Variants in PCDH15 observed in about 807,000 individuals in gnomAD.
PCDH15 encodes protocadherin-15.
In PCDH15, 129 loss-of-function variants were observed where a neutral mutation model predicts 178.5. That is an observed-to-expected ratio of 0.72 (90% CI 0.63 to 0.84). The LOEUF is 0.84. PCDH15 is among the 40% of genes least tolerant of loss of function. The probability of loss-of-function intolerance (pLI) is 0.00; values close to 1 mark genes in which losing one functional copy is unlikely to be tolerated. For missense variants in PCDH15, 2,230 were observed against 2,099.9 expected, an observed-to-expected ratio of 1.06 and a Z score of -1.21; for synonymous variants, 800 against 732.0, an observed-to-expected ratio of 1.09 and a Z score of -1.50.
chr10:55,334,314 A>ATTTTT (rs11419000), intron 2 of PCDH15, among the ~76,000 whole-genome samples: 1 of 119,598 alleles, frequency 8.4e-6, no homozygotes, highest in Non-Finnish European at 1.6e-5. Flanking sequence ...ATATATATAT[A>ATTTTT]TTTTTTTTTT....
intron 1 of PCDH15, among the ~76,000 whole-genome samples, chr10:55,297,602 C>T (rs1248293874): frequency 3.3e-5 from 5 of 151,938 alleles, no homozygotes; most frequent in Non-Finnish European, 5.9e-5. Flanking sequence ...TATCTTCATT[C>T]TCTCAAGACT....
rs540555737 is a variant in PCDH15 at position 55,091,670 on chromosome 10, A to G, written c.-80+74906T>C. Among the ~76,000 whole-genome samples, 3 of 152,036 alleles carry G rather than the reference A, an allele frequency of 2.0e-5. No individual in the cohort carries two copies. In the East Asian group the frequency reaches 5.8e-4, roughly 29 times the overall value. On this transcript the variant is annotated intron_variant, in intron 2 of 5. Coordinates refer to the PCDH15 transcript ENST00000458638. ...ATGAGGAATAGTTATGCTGTTTATT[A>G]TATTTGTTATGCAGGCATATCTACT...
At chr10:55,334,165 G>A (rs1180091595) in intron 2 of PCDH15, among the ~76,000 whole-genome samples, 1 of 145,010 alleles carries the variant, frequency 6.9e-6, no homozygotes, top group Non-Finnish European at 1.5e-5. Context: ...TTGATTTTGT[G>A]AAATGCATTT....
chr10:54,486,519 A>G (rs1455893732), intron 3 of PCDH15, among the ~76,000 whole-genome samples: 1 of 152,006 alleles, frequency 6.6e-6, no homozygotes, highest in East Asian at 1.9e-4. Flanking sequence ...TTCACATAGT[A>G]GAGGCTACTA....
chr10:55,472,143 T>A (rs571965299), intron 2 of PCDH15, among the ~76,000 whole-genome samples: 2 of 152,296 alleles, frequency 1.3e-5, no homozygotes, highest in South Asian at 4.2e-4. Flanking sequence ...CCCTCTCTCT[T>A]TGTGCTTTCT....
chr10:54,709,069 T>C (rs2095399268), intron 1 of PCDH15, among the ~76,000 whole-genome samples: 1 of 152,084 alleles, frequency 6.6e-6, no homozygotes, highest in Admixed American at 6.6e-5. Context: ...CGTGGATATT[T>C]GCTTTAAATT....
intron 1 of PCDH15, among the ~76,000 whole-genome samples, chr10:54,725,145 C>T (rs1272965366): frequency 1.3e-5 from 2 of 151,212 alleles, no homozygotes; most frequent in Non-Finnish European, 3.0e-5. Context: ...GGTTCATGAG[C>T]CATTCTGAAA....
At chr10:55,061,715 G>A (rs1273015769) in intron 2 of PCDH15, among the ~76,000 whole-genome samples, 2 of 152,094 alleles carry the variant, frequency 1.3e-5, no homozygotes, top group Non-Finnish European at 2.9e-5. Flanking sequence ...TATTACTCAG[G>A]GCACTAAAAT....
intron 32 of PCDH15, chr10:53,822,883 A>C: frequency 6.2e-7 from 1 of 1,614,104 alleles, no homozygotes; most frequent in Non-Finnish European, 8.5e-7. Context: ...TTGTTTGTAC[A>C]GATTCCAGTG....
rs71014404 is a variant in PCDH15, at chr10:54,690,310, C to CTT, written c.-28-26022_-28-26021dup. Among the ~76,000 whole-genome samples, 1,000 of 126,096 alleles carry CTT rather than the reference C, an allele frequency of 7.9e-3. 25 individuals are homozygous for CTT. Among genetic ancestry groups the CTT allele is most frequent in the African/African-American group, 0.018 (615 of 33,280 alleles). 82.7% of individuals were successfully genotyped at this position (126,096 alleles called of 152,430 possible). A position where few individuals can be genotyped will look rare whatever the true frequency, so the allele number is the denominator to read the frequency against. ...CTGGTTTGTGTATTTACAAGACTAC[C>CTT]TTTTTTTTTTTTTTTTTTGAGATGG... On this transcript the variant is annotated intron_variant, in intron 1 of 37. Transcript: ENST00000644397.
chr10:54,886,881 A>G (rs1246223610), intron 3 of PCDH15, among the ~76,000 whole-genome samples: 1 of 152,254 alleles, frequency 6.6e-6, no homozygotes, highest in East Asian at 1.9e-4. Context: ...TTTCTAACAT[A>G]ACAGGAAACT....
chr10:54,806,234 T>C (rs12241120), upstream of PCDH15, among the ~76,000 whole-genome samples: 6,077 of 152,272 alleles, frequency 0.04, 374 homozygotes, highest in African/African-American at 0.13. Context: ...TCTTCACAAT[T>C]CCAGTTTTTA....
intron 2 of PCDH15, among the ~76,000 whole-genome samples, chr10:54,553,911 G>T (rs2086882925): frequency 6.6e-6 from 1 of 152,112 alleles, no homozygotes; most frequent in Non-Finnish European, 1.5e-5. Context: ...CACACTAAGT[G>T]TATGCCTTCT....
At chr10:54,963,481 G>A (rs952575539) in intron 2 of PCDH15, among the ~76,000 whole-genome samples, 8 of 151,866 alleles carry the variant, frequency 5.3e-5, no homozygotes, top group African/African-American at 9.7e-5. Context: ...GCAACTCTTC[G>A]TGTAAATTAA....
chr10:54,929,707 G>C (rs1837720870), intron 2 of PCDH15, among the ~76,000 whole-genome samples: 1 of 152,156 alleles, frequency 6.6e-6, no homozygotes, highest in Non-Finnish European at 1.5e-5. Context: ...AAACAAGTCT[G>C]AGTGTGTGGC....
At chr10:54,929,628 T>C (rs1837718795) in intron 2 of PCDH15, among the ~76,000 whole-genome samples, 1 of 152,180 alleles carries the variant, frequency 6.6e-6, no homozygotes, top group African/African-American at 2.4e-5. Context: ...CAGACATGTG[T>C]TACTTGTACC....
intron 2 of PCDH15, chr10:54,585,598 C>T (rs1038282147): frequency 5.3e-6 from 1 of 187,208 alleles, no homozygotes; most frequent in Non-Finnish European, 1.2e-5. Context: ...CATCATCAGT[C>T]CTCCTAGCAA....
At chr10:54,293,362 C>T (rs902469070) in intron 8 of PCDH15, among the ~76,000 whole-genome samples, 1 of 152,096 alleles carries the variant, frequency 6.6e-6, no homozygotes, top group Non-Finnish European at 1.5e-5. Flanking sequence ...ATCATAAAAA[C>T]CTGAGAGGAA....
chr10:54,907,870 C>A (rs760532082), intron 2 of PCDH15, among the ~76,000 whole-genome samples: 4 of 152,084 alleles, frequency 2.6e-5, no homozygotes, highest in Non-Finnish European at 4.4e-5. Context: ...TGGTCTTTCT[C>A]AATAAAAGAC....
Sources: allele counts gnomAD v4.1 joint callset (sites outside exome capture counted in the v4.1 genomes callset), GRCh38; gene constraint gnomAD v4.1.1; transcripts MANE v1.5; gene names NCBI Gene and HGNC (gene_info 2026-07-23, HGNC 2026-07-21).